The following TTLL11 variants were observed in gnomAD, a reference collection of about 807,000 sequenced individuals.
TTLL11 encodes the protein tubulin polyglutamylase TTLL11.
Under a neutral mutation model 51.7 loss-of-function variants are expected in TTLL11, and 42 were observed. The ratio of observed to expected loss-of-function variants is 0.81; its 90% CI spans 0.64 to 1.05. The LOEUF (loss-of-function observed/expected upper bound fraction) is 1.05. TTLL11 is among the 50% of genes least tolerant of loss of function. The pLI, the probability that TTLL11 is intolerant of heterozygous loss-of-function variation, is 0.00. For missense variants in TTLL11, 799 were observed against 940.4 expected (o/e 0.85, Z 1.97); for synonymous variants, 381 against 383.5 (o/e 0.99, Z 0.08).
At chr9:121,879,422 C>T (rs1838690750) in intron 6 of TTLL11, among the ~76,000 whole-genome samples, 1 of 152,196 alleles carries the variant, frequency 6.6e-6, no homozygotes, top group Non-Finnish European at 1.5e-5. Context: ...GTTCACTGTA[C>T]CTGCTCTGAC....
At chr9:122,090,420 C>G (rs547935781) in intron 1 of TTLL11, among the ~76,000 whole-genome samples, 6 of 152,170 alleles carry the variant, frequency 3.9e-5, no homozygotes, top group Non-Finnish European at 7.3e-5. Flanking sequence ...ACCTCCCACG[C>G]TATGATCCGG....
rs1429739777 is a variant in TTLL11 at position 121,820,684 on chromosome 9, A to AT, written c.*1902_*1903insA. 2.0e-5 allele frequency among the ~76,000 whole-genome samples: 3 copies of AT among 151,800 alleles called. No homozygotes were observed. The highest frequency in any genetic ancestry group is 7.3e-5 in the African/African-American group (3 of 41,288). ...ATCTGAAAGGGGAGCAGCATTACAG[A>AT]CCTGCCCTACTACCTGGGGAACTGA... On this transcript the variant is annotated 3_prime_UTR_variant, in exon 9 of 9. Transcript: ENST00000321582.
intron 1 of TTLL11, among the ~76,000 whole-genome samples, chr9:122,053,189 G>A (rs1845206179): frequency 1.3e-5 from 2 of 152,144 alleles, no homozygotes; most frequent in South Asian, 4.1e-4. Flanking sequence ...TCGGGGTAGA[G>A]GCAGATGTGT....
chr9:121,855,908 C>T (rs1837802547), intron 8 of TTLL11, among the ~76,000 whole-genome samples: 1 of 152,210 alleles, frequency 6.6e-6, no homozygotes, highest in Non-Finnish European at 1.5e-5. Flanking sequence ...TTAACCCTCA[C>T]AGCAACCTTC....
chr9:121,842,297 T>A (rs1837380988), intron 8 of TTLL11, among the ~76,000 whole-genome samples: 2 of 152,200 alleles, frequency 1.3e-5, no homozygotes, highest in South Asian at 4.2e-4. Context: ...TCACCCAGGC[T>A]GGAGGACTGG....
chr9:121,872,745 G>A (rs771593518), intron 6 of TTLL11, among the ~76,000 whole-genome samples: 1 of 152,148 alleles, frequency 6.6e-6, no homozygotes, highest in Non-Finnish European at 1.5e-5. Context: ...ACAGGCAGAG[G>A]GCAGAAGCAG....
At chr9:121,977,892 C>G (rs1047905542) in intron 4 of TTLL11, among the ~76,000 whole-genome samples, 1 of 152,084 alleles carries the variant, frequency 6.6e-6, no homozygotes, top group African/African-American at 2.4e-5. Flanking sequence ...CCAGGCTAGT[C>G]TCCAACTCCT....
chr9:121,840,258 A>G (rs1837310325), intron 8 of TTLL11, among the ~76,000 whole-genome samples: 1 of 152,208 alleles, frequency 6.6e-6, no homozygotes, highest in Non-Finnish European at 1.5e-5. Flanking sequence ...AACTCGGTTA[A>G]GATCTATTAC....
At chr9:121,994,261 A>G (rs1370757724) in intron 3 of TTLL11, among the ~76,000 whole-genome samples, 1 of 152,154 alleles carries the variant, frequency 6.6e-6, no homozygotes, top group Non-Finnish European at 1.5e-5. Context: ...CGGGCAGGAC[A>G]CTTCTGGGAA....
Position 121,951,754 on chromosome 9 carries a change from C to T in TTLL11, c.1481+22255G>A, listed in dbSNP as rs1044715066. Among the ~76,000 whole-genome samples the T allele has an allele frequency of 3.3e-5, 5 of 152,166 alleles. 1 individual carries two copies. The highest frequency in any genetic ancestry group is 2.6e-4 in the Admixed American group (4 of 15,288). On this transcript the variant is annotated intron_variant, in intron 6 of 8. Transcript: ENST00000321582. The stretch of plus-strand genomic sequence containing the variant: ...AGGGCGAGTCCGAGTAAAGTGAAAG[C>T]GAGTTTATTAAGAAAGTAGAGGAAT...
chr9:121,970,534 C>T (rs1427761683), intron 6 of TTLL11, among the ~76,000 whole-genome samples: 1 of 151,970 alleles, frequency 6.6e-6, no homozygotes, highest in African/African-American at 2.4e-5. Context: ...AAAAAGTGGG[C>T]GAATGATATG....
At chr9:122,080,237 C>T (rs1321813139) in intron 1 of TTLL11, among the ~76,000 whole-genome samples, 1 of 152,126 alleles carries the variant, frequency 6.6e-6, no homozygotes. Context: ...TCATTATATT[C>T]TTCAAAAGTA....
At chr9:121,959,971 A>C (rs1842164902) in intron 6 of TTLL11, among the ~76,000 whole-genome samples, 2 of 152,038 alleles carry the variant, frequency 1.3e-5, no homozygotes, top group African/African-American at 4.8e-5. Flanking sequence ...ACATTTAAAG[A>C]ATAATTCTAA....
chr9:122,034,698 A>G (rs376875736), intron 2 of TTLL11, among the ~76,000 whole-genome samples: 32 of 152,256 alleles, frequency 2.1e-4, no homozygotes, highest in African/African-American at 5.8e-4. Context: ...GGGAGTGGCA[A>G]CTTCTCCATT....
chr9:121,900,923 C>G (rs1242068692), intron 6 of TTLL11, among the ~76,000 whole-genome samples: 3 of 152,174 alleles, frequency 2.0e-5, no homozygotes, highest in African/African-American at 7.2e-5. Context: ...GTCCTCCCGC[C>G]TCAGCCTCCT....
At chr9:121,943,412 C>T (rs779624690) in intron 6 of TTLL11, among the ~76,000 whole-genome samples, 7 of 152,068 alleles carry the variant, frequency 4.6e-5, no homozygotes, top group Non-Finnish European at 1.0e-4. Context: ...TGTGTGAGTC[C>T]GTGAATGCAG....
At chr9:121,893,350 ATGTG>A (rs57931102) in intron 6 of TTLL11, among the ~76,000 whole-genome samples, 2 of 149,880 alleles carry the variant, frequency 1.3e-5, no homozygotes, top group Admixed American at 6.6e-5. Context: ...ATGCATGCAT[ATGTG>A]TGTGTGTGTG....
chr9:122,031,725 G>A lies in TTLL11; in HGVS notation c.691C>T (p.Gln231Ter), dbSNP rs1456198558. The A allele has an allele frequency of 2.5e-6, 4 of 1,612,436 alleles. No homozygotes were observed. The highest frequency in any genetic ancestry group is 1.1e-5 in the South Asian group (1 of 90,990). The change falls in exon 3 of 9, where the codon CAG becomes TAG. Residue 231 changes from glutamine to a stop codon, truncating the protein, a stop_gained and splice_region_variant. Coordinates refer to ENST00000321582, the MANE Select transcript of TTLL11 (RefSeq NM_001139442.2). LOFTEE classifies it high-confidence loss of function. ...LPDEFQLFVAQVQMVKDDDPS... is the reference protein window; with the variant it reads ...LPDEFQLFVA ...CATGGGGACGGAGTGCCATCTACCT[G>A]AGCAACAAAGAGCTGGAACTCGTCA...
At chr9:121,823,678 T>C (rs1179924175) in intron 8 of TTLL11, among the ~76,000 whole-genome samples, 1 of 152,230 alleles carries the variant, frequency 6.6e-6, no homozygotes, top group African/African-American at 2.4e-5. Context: ...CATGGGTGTG[T>C]GCGTTTGTCA....
Sources: allele counts gnomAD v4.1 joint callset (sites outside exome capture counted in the v4.1 genomes callset), GRCh38; gene constraint gnomAD v4.1.1; transcripts MANE v1.5; gene names NCBI Gene and HGNC (gene_info 2026-07-23, HGNC 2026-07-21).